The following PSD3 variants were observed in gnomAD, a reference collection of about 807,000 sequenced individuals.
The protein encoded by PSD3 is PH and SEC7 domain-containing protein 3.
In PSD3, 49 loss-of-function variants were observed where a neutral mutation model predicts 105.5. That is an observed-to-expected ratio of 0.46 (90% CI 0.37 to 0.59). The LOEUF is 0.59. Ranked by LOEUF, PSD3 falls within the 20% of genes least tolerant of loss-of-function variation. The pLI, the probability that PSD3 is intolerant of heterozygous loss-of-function variation, is 0.00. For missense variants in PSD3, 1,561 were observed against 1,263.8 expected (o/e 1.24, Z -3.57); for synonymous variants, 557 against 457.8 (o/e 1.22, Z -2.77).
In PSD3 at chr8:18,572,686, A is replaced by G. The variant is rs1167744450; in HGVS notation, c.2640-14T>C. 8.7e-6 allele frequency: 14 copies of G among 1,612,984 alleles called. No individual in the cohort carries two copies. Among genetic ancestry groups the G allele is most frequent in the South Asian group, 4.4e-5 (4 of 90,976 alleles). ...TCCTCTGGGCTCCTATGAGAAATAGATATGTTTATATCAGGATATTGCCAT... is the reference window on the plus strand; with the variant it reads ...TCCTCTGGGCTCCTATGAGAAATAGGTATGTTTATATCAGGATATTGCCAT... On this transcript the variant is annotated splice_polypyrimidine_tract_variant and intron_variant, in intron 13 of 15. Coordinates refer to ENST00000327040, the MANE Select transcript of PSD3 (RefSeq NM_015310.4).
At chr8:18,561,592 G>T (rs193299228) in intron 14 of PSD3, among the ~76,000 whole-genome samples, 1 of 151,966 alleles carries the variant, frequency 6.6e-6, no homozygotes, top group Non-Finnish European at 1.5e-5. Context: ...CTTGCTCAAA[G>T]AATAGAATTT....
At chr8:18,639,321 T>C (rs568322577) in intron 10 of PSD3, among the ~76,000 whole-genome samples, 221 of 152,080 alleles carry the variant, frequency 1.5e-3, no homozygotes, top group African/African-American at 5.2e-3. Context: ...TCAGAGCACA[T>C]GTGAAGTTCT....
intron 1 of PSD3, among the ~76,000 whole-genome samples, chr8:19,023,949 T>C (rs961770196): frequency 3.3e-5 from 5 of 152,222 alleles, no homozygotes; most frequent in Non-Finnish European, 7.3e-5. Flanking sequence ...CTGTACTGAC[T>C]TGACCATTAA....
chr8:19,084,754 A>C (rs1455933311), upstream of PSD3: 1 of 294,226 alleles, frequency 3.4e-6, no homozygotes, highest in African/African-American at 2.2e-5. Flanking sequence ...AGCAGCCTCA[A>C]AGGAGGGGCA....
intron 1 of PSD3, among the ~76,000 whole-genome samples, chr8:19,048,083 C>T (rs1828388373): frequency 1.3e-5 from 2 of 152,172 alleles, no homozygotes; most frequent in South Asian, 4.1e-4. Context: ...CTTCAAAGAG[C>T]CAGGGCAGAC....
intron 1 of PSD3, among the ~76,000 whole-genome samples, chr8:19,083,950 A>G (rs111744680): frequency 4.6e-5 from 7 of 152,074 alleles, no homozygotes; most frequent in African/African-American, 1.7e-4. Context: ...TTCTTTTCCC[A>G]TCTTTGGCAG....
chr8:19,079,253 A>T (rs1441554945), intron 1 of PSD3, among the ~76,000 whole-genome samples: 1 of 152,164 alleles, frequency 6.6e-6, no homozygotes, highest in Non-Finnish European at 1.5e-5. Flanking sequence ...ATAAATCAAG[A>T]CATCTGTGTC....
intron 10 of PSD3, among the ~76,000 whole-genome samples, chr8:18,644,813 T>C (rs958753080): frequency 4.6e-5 from 7 of 152,216 alleles, no homozygotes; most frequent in South Asian, 2.1e-4. Context: ...GTAGTCTGTT[T>C]TGGGTTGCTG....
intron 9 of PSD3, among the ~76,000 whole-genome samples, chr8:18,761,615 A>G (rs961609246): frequency 6.6e-6 from 1 of 152,156 alleles, no homozygotes; most frequent in Non-Finnish European, 1.5e-5. Flanking sequence ...CTGTCTCTCA[A>G]AACACAGCCT....
At chr8:18,691,142 G>A in intron 9 of PSD3, among the ~76,000 whole-genome samples, 1 of 152,106 alleles carries the variant, frequency 6.6e-6, no homozygotes, top group East Asian at 1.9e-4. Flanking sequence ...AGGATGGGGG[G>A]AAAAATCTTT....
chr8:19,040,775 CT>C (rs1828095799), intron 1 of PSD3, among the ~76,000 whole-genome samples: 1 of 152,194 alleles, frequency 6.6e-6, no homozygotes, highest in Admixed American at 6.5e-5. Context: ...TGTAATATCC[CT>C]TTAGAAAAGG....
chr8:18,833,913 A>G (rs1260943683), intron 4 of PSD3, among the ~76,000 whole-genome samples: 1 of 152,172 alleles, frequency 6.6e-6, no homozygotes, highest in Non-Finnish European at 1.5e-5. Context: ...ATATAAAAAC[A>G]ATAGCTTTAA....
At chr8:18,815,378 G>A (rs186567559) in intron 4 of PSD3, among the ~76,000 whole-genome samples, 10 of 152,020 alleles carry the variant, frequency 6.6e-5, no homozygotes, top group Non-Finnish European at 1.2e-4. Flanking sequence ...GCATGATTTC[G>A]GCTCACTGCA....
At chr8:19,057,942 C>A (rs1006516135) in intron 1 of PSD3, among the ~76,000 whole-genome samples, 3 of 152,116 alleles carry the variant, frequency 2.0e-5, no homozygotes, top group African/African-American at 7.2e-5. Context: ...CTCCTATTTT[C>A]CCTAGAGAAC....
intron 1 of PSD3, among the ~76,000 whole-genome samples, chr8:18,938,925 C>G (rs11991830): frequency 0.098 from 14,868 of 152,078 alleles, 1,156 homozygotes; most frequent in East Asian, 0.33. Context: ...GCTTGAACAA[C>G]CAGGTGCATG....
At chr8:18,692,899 C>A (rs1358420709) in intron 9 of PSD3, among the ~76,000 whole-genome samples, 1 of 152,130 alleles carries the variant, frequency 6.6e-6, no homozygotes, top group Non-Finnish European at 1.5e-5. Flanking sequence ...AATTAAAATT[C>A]AAACTTTAAT....
intron 1 of PSD3, among the ~76,000 whole-genome samples, chr8:18,936,872 C>T (rs1230019704): frequency 6.6e-6 from 1 of 152,086 alleles, no homozygotes; most frequent in Non-Finnish European, 1.5e-5. Context: ...TGTTAAAGTA[C>T]ACCAACAAAA....
chr8:18,689,191 C>T (rs1800831687), intron 9 of PSD3, among the ~76,000 whole-genome samples: 1 of 152,194 alleles, frequency 6.6e-6, no homozygotes, highest in South Asian at 2.1e-4. Flanking sequence ...TGGGGACACA[C>T]AACGCTGATA....
At chr8:18,954,442 G>C (rs544066426) in intron 1 of PSD3, among the ~76,000 whole-genome samples, 10 of 152,166 alleles carry the variant, frequency 6.6e-5, no homozygotes, top group South Asian at 2.1e-4. Flanking sequence ...CATTTTACTT[G>C]TCAAGTGTTA....
Sources: gnomAD v4.1 joint callset for allele counts (sites outside exome capture counted in the v4.1 genomes callset) on GRCh38, gnomAD v4.1.1 for gene constraint, MANE v1.5 for transcripts, NCBI Gene and HGNC (gene_info 2026-07-23, HGNC 2026-07-21) for gene names.